SYNE2: variants seen among roughly 807,000 people sequenced by gnomAD.
SYNE2 encodes spectrin repeat containing nuclear envelope protein 2, also known as nesprin-2.
Under a neutral mutation model 856.3 loss-of-function variants are expected in SYNE2, and 431 were observed. The ratio of observed to expected loss-of-function variants is 0.50; its 90% CI spans 0.47 to 0.55. The LOEUF (loss-of-function observed/expected upper bound fraction) is 0.55, where lower values mean the gene tolerates loss of function less well. SYNE2 is among the 20% of genes least tolerant of loss of function. The pLI is 0.00. For missense variants in SYNE2, 8,129 were observed against 8,023.2 expected, an observed-to-expected ratio of 1.01 and a Z score of -0.50; for synonymous variants, 2,923 against 2,872.3, an observed-to-expected ratio of 1.02 and a Z score of -0.56.
At chr14:64,185,495 T>TC (rs2098484141) in intron 96 of SYNE2, among the ~76,000 whole-genome samples, 1 of 148,222 alleles carries the variant, frequency 6.7e-6, no homozygotes, top group Admixed American at 6.8e-5. Context: ...TGCTTCTTTT[T>TC]TTTTTCTTTT....
chr14:64,132,574 C>A, intron 77 of SYNE2, 136 bp downstream of exon 77: 1 of 1,204,164 alleles, frequency 8.3e-7, no homozygotes, highest in East Asian at 2.5e-5. Flanking sequence ...GAATGTGGAC[C>A]CCTGCTCAGG....
chr14:64,103,353 C>CT (rs61101192), intron 64 of SYNE2, among the ~76,000 whole-genome samples: 16,901 of 138,868 alleles, frequency 0.12, 1,148 homozygotes, highest in African/African-American at 0.2. Context: ...TCTCCATAAT[C>CT]TTTTTTTTTT....
Position 63,941,736 on chromosome 14 carries a change from T to G in SYNE2, c.183T>G (p.Ile61Met). The G allele has an allele frequency of 6.2e-7, 1 of 1,614,090 alleles. No individual in the cohort carries two copies. Among genetic ancestry groups the G allele is most frequent in the East Asian group, 2.2e-5 (1 of 44,866 alleles). ...PSVISDLFTD[I>M]KKGHVLLDLL... ...TTATATCCGACCTATTCACAGACAT[T>G]AAAAAGGGGCATGTCCTCCTGGATC... Residue 61 changes from isoleucine to methionine, a missense_variant, in exon 4 of 116, where the codon ATT becomes ATG. Coordinates refer to ENST00000555002, the MANE Select transcript of SYNE2 (RefSeq NM_182914.3).
In SYNE2 at chr14:64,141,515, C is replaced by G; in HGVS notation, c.15151C>G (p.Leu5051Val). Residue 5051 changes from leucine (L) to valine (V), a missense_variant, in exon 81 of 116, where the codon CTT (leucine) becomes GTT (valine). By Grantham distance (32) the Leu-to-Val change is conservative. Transcript: ENST00000555002. ...ITQLPDIQEK[L>V]HQLQMEKLPS... ...TCAACTTCCAGATATTCAAGAAAAA[C>G]TTCACCAGGTAAGTCTTTAGAGCCT... is the stretch of plus-strand genomic sequence containing the variant. 1 of 1,613,904 alleles carries G rather than the reference C, an allele frequency of 6.2e-7. No individual in the cohort carries two copies. The highest frequency in any genetic ancestry group is 8.5e-7 in the Non-Finnish European group (1 of 1,179,918).
intron 61 of SYNE2, among the ~76,000 whole-genome samples, chr14:64,095,629 A>G (rs1484124364): frequency 6.6e-6 from 1 of 152,212 alleles, no homozygotes; most frequent in Non-Finnish European, 1.5e-5. Context: ...GTGTTCTGTG[A>G]ATAAAAAGGA....
intron 54 of SYNE2, 74 bp from the exon 55 acceptor site, chr14:64,078,392 C>G: frequency 6.3e-7 from 1 of 1,599,270 alleles, no homozygotes; most frequent in Non-Finnish European, 8.5e-7. Context: ...GTGACTACCA[C>G]TTTTGTTGTT....
rs372297754 is a variant in SYNE2 at position 64,134,052 on chromosome 14, T to C, written c.14515-17T>C. 2.8e-5 allele frequency: 45 copies of C among 1,613,744 alleles called. No homozygotes were observed. The highest frequency in any genetic ancestry group is 3.6e-5 in the Non-Finnish European group (43 of 1,179,876). ...TGGTAAAGGGCTTCCACTAATTTTA[T>C]GTCCTTGATTCTCTAGAAATGGGAA... On this transcript the variant is annotated splice_polypyrimidine_tract_variant and intron_variant, in intron 77 of 115. Transcript: ENST00000555002.
chr14:63,944,305 T>TATATATATATATATAA (rs1351171279), intron 6 of SYNE2, among the ~76,000 whole-genome samples: 3 of 129,706 alleles, frequency 2.3e-5, no homozygotes, highest in African/African-American at 8.6e-5. Flanking sequence ...TATATATATA[T>TATATATATATATATAA]ATAAATAAAT....
At chr14:64,033,625 G>A (rs899586558) in intron 45 of SYNE2, among the ~76,000 whole-genome samples, 3 of 152,118 alleles carry the variant, frequency 2.0e-5, no homozygotes, top group Admixed American at 6.5e-5. Flanking sequence ...GGTCGAGACT[G>A]TAGTGAGCCG....
Position 64,053,001 on chromosome 14 carries a change from G to C in SYNE2, c.9088G>C (p.Glu3030Gln). ...LQTQVFEKEK[E>Q]LEEKIKQLDT... The stretch of plus-strand genomic sequence containing the variant: ...AACCCAAGTATTTGAAAAAGAAAAG[G>C]AACTTGAAGAAAAAATTAAGCAGTT... The change falls in exon 48 of 116, where the codon GAA becomes CAA. Residue 3030 changes from glutamate to glutamine, a missense_variant. Transcript: ENST00000555002. 6.2e-7 allele frequency: 1 copy of C among 1,611,734 alleles called. No individual in the cohort carries two copies. The highest frequency in any genetic ancestry group is 8.5e-7 in the Non-Finnish European group (1 of 1,179,598).
chr14:63,982,462 A>G (rs1037591617), intron 16 of SYNE2, among the ~76,000 whole-genome samples, 168 bp from the exon 17 acceptor site: 3 of 149,648 alleles, frequency 2.0e-5, no homozygotes, highest in African/African-American at 7.4e-5. Flanking sequence ...CGGAGGTTGC[A>G]ATGACCTTGA....
chr14:64,149,371 C>G (rs1334866793), intron 84 of SYNE2, among the ~76,000 whole-genome samples: 1 of 152,110 alleles, frequency 6.6e-6, no homozygotes, highest in Non-Finnish European at 1.5e-5. Flanking sequence ...AATGACTTAT[C>G]CCAGGGCAGA....
At chr14:63,907,085 T>G (rs2095417645) in intron 1 of SYNE2, among the ~76,000 whole-genome samples, 1 of 152,220 alleles carries the variant, frequency 6.6e-6, no homozygotes, top group Admixed American at 6.5e-5. Flanking sequence ...CTCAGTCCAC[T>G]GCAGCTCCTG....
At chr14:64,027,893 G>A (rs538794349) in intron 43 of SYNE2, 100 bp downstream of exon 43, 62 of 1,015,316 alleles carry the variant, frequency 6.1e-5, no homozygotes, top group Non-Finnish European at 8.3e-5. Context: ...ATTTTGTTTT[G>A]TTTTATTTTA....
chr14:63,985,909 G>T (rs906320204), intron 18 of SYNE2, among the ~76,000 whole-genome samples: 6 of 152,148 alleles, frequency 3.9e-5, no homozygotes. Context: ...TCAGGAGGCT[G>T]AGGTAGGAGG....
intron 96 of SYNE2, 27 bp downstream of exon 96, chr14:64,177,510 G>A: frequency 6.2e-7 from 1 of 1,614,116 alleles, no homozygotes; most frequent in Non-Finnish European, 8.5e-7. Flanking sequence ...AAGTGGCCAA[G>A]ATAATCACTT....
intron 60 of SYNE2, among the ~76,000 whole-genome samples, 159 bp downstream of exon 60, chr14:64,091,207 A>G (rs776012495): frequency 4.6e-5 from 7 of 152,158 alleles, no homozygotes; most frequent in South Asian, 4.1e-4. Flanking sequence ...AGCTAAGGTT[A>G]TTTTTCTCAG....
At chr14:63,989,776 G>A (rs1487801083) in intron 19 of SYNE2, among the ~76,000 whole-genome samples, 1 of 151,820 alleles carries the variant, frequency 6.6e-6, no homozygotes, top group Admixed American at 6.6e-5. Context: ...TCAGTCTCCC[G>A]AGTAACTGGG....
chr14:63,762,581 A>T (rs1358869372), intron 1 of SYNE2, among the ~76,000 whole-genome samples: 2 of 135,992 alleles, frequency 1.5e-5, no homozygotes, highest in East Asian at 4.1e-4. Flanking sequence ...GTTATGTAGG[A>T]TAATTTTTTC....
Sources: gnomAD v4.1 joint callset for allele counts (sites outside exome capture counted in the v4.1 genomes callset) on GRCh38, gnomAD v4.1.1 for gene constraint, MANE v1.5 for transcripts, NCBI Gene and HGNC (gene_info 2026-07-23, HGNC 2026-07-21) for gene names.